Variants in ATRNL1 observed in about 807,000 individuals in gnomAD.
ATRNL1 encodes attractin like 1.
ATRNL1 carries 95 observed loss-of-function variants against 182.7 expected under a neutral mutation model. That is an observed-to-expected ratio of 0.52 (90% CI 0.44 to 0.62). The LOEUF (loss-of-function observed/expected upper bound fraction) is 0.62, where lower values mean the gene tolerates loss of function less well. Among genes scored for constraint, ATRNL1 ranks in the 20% least tolerant of loss-of-function variants. ATRNL1 has a pLI of 0.00. For missense variants in ATRNL1, 1,471 were observed against 1,679.5 expected, an observed-to-expected ratio of 0.88 and a Z score of 2.17; for synonymous variants, 576 against 568.3, an observed-to-expected ratio of 1.01 and a Z score of -0.19.
intron 19 of ATRNL1, among the ~76,000 whole-genome samples, chr10:115,360,950 A>C (rs1298111414): frequency 1.3e-5 from 2 of 151,824 alleles, no homozygotes; most frequent in African/African-American, 4.8e-5. Flanking sequence ...AGTTATGTTA[A>C]ATTCTTACCA....
chr10:115,498,276 AT>A (rs139857213), intron 24 of ATRNL1, among the ~76,000 whole-genome samples: 4,807 of 152,228 alleles, frequency 0.032, 247 homozygotes, highest in African/African-American at 0.11. Flanking sequence ...GGTAGAAAAG[AT>A]TTTTAAAGTT....
chr10:115,884,441 AAAC>A (rs1248636236), intron 28 of ATRNL1, among the ~76,000 whole-genome samples: 3 of 152,212 alleles, frequency 2.0e-5, no homozygotes, highest in Admixed American at 6.5e-5. Flanking sequence ...GATTCTCAGC[AAAC>A]AACAACAACA....
At chr10:115,679,153 A>G (rs754615896) in intron 26 of ATRNL1, among the ~76,000 whole-genome samples, 23 of 152,046 alleles carry the variant, frequency 1.5e-4, no homozygotes, top group Non-Finnish European at 3.1e-4. Flanking sequence ...CTTCTTTTCC[A>G]TTATCCTCTT....
intron 26 of ATRNL1, among the ~76,000 whole-genome samples, chr10:115,574,365 T>TAC (rs1340675544): frequency 4.0e-4 from 57 of 141,558 alleles, no homozygotes; most frequent in African/African-American, 1.4e-3. Context: ...TATATATATA[T>TAC]ACACACATGA....
intron 28 of ATRNL1, among the ~76,000 whole-genome samples, chr10:115,908,512 T>C (rs1314860375): frequency 1.3e-5 from 2 of 152,196 alleles, no homozygotes; most frequent in Non-Finnish European, 2.9e-5. Flanking sequence ...AGAATGCTTA[T>C]GATGACATTG....
At chr10:115,200,645 G>T (rs1848533406) in intron 8 of ATRNL1, among the ~76,000 whole-genome samples, 1 of 139,192 alleles carries the variant, frequency 7.2e-6, no homozygotes, top group South Asian at 2.5e-4. Context: ...CATTTGGGTT[G>T]GTTCCAAGTC....
intron 1 of ATRNL1, among the ~76,000 whole-genome samples, chr10:115,119,256 GT>G (rs142914939): frequency 0.011 from 1,702 of 152,048 alleles, 29 homozygotes; most frequent in African/African-American, 0.038. Context: ...GTAAATTAAA[GT>G]TTTTCCCCCC....
chr10:115,878,938 G>A (rs1264314275), intron 28 of ATRNL1, among the ~76,000 whole-genome samples: 2 of 152,130 alleles, frequency 1.3e-5, no homozygotes, highest in African/African-American at 4.8e-5. Flanking sequence ...AGATGAAAAT[G>A]TGTAGGCATA....
intron 9 of ATRNL1, among the ~76,000 whole-genome samples, chr10:115,217,765 C>T (rs539794503): frequency 1.3e-5 from 2 of 152,230 alleles, no homozygotes; most frequent in African/African-American, 4.8e-5. Context: ...TTATTTTAAA[C>T]ACCTCATTAC....
chr10:115,617,433 C>G (rs1305608198), intron 26 of ATRNL1, among the ~76,000 whole-genome samples: 1 of 151,950 alleles, frequency 6.6e-6, no homozygotes, highest in African/African-American at 2.4e-5. Context: ...AATTGCGGCT[C>G]ACTGCAACAT....
intron 5 of ATRNL1, among the ~76,000 whole-genome samples, chr10:115,147,783 A>C (rs1554879721): frequency 1.3e-5 from 2 of 151,746 alleles, no homozygotes; most frequent in African/African-American, 4.8e-5. Context: ...ATAAATATGT[A>C]GGTTTATTCT....
chr10:115,331,253 G>A (rs1245318496), intron 18 of ATRNL1, among the ~76,000 whole-genome samples: 2 of 152,012 alleles, frequency 1.3e-5, no homozygotes, highest in Non-Finnish European at 2.9e-5. Context: ...GTAGAGATGG[G>A]GTTTCACCAT....
intron 10 of ATRNL1, among the ~76,000 whole-genome samples, chr10:115,261,893 A>C (rs1296198843): frequency 6.6e-6 from 1 of 152,076 alleles, no homozygotes; most frequent in Non-Finnish European, 1.5e-5. Context: ...AAAACAAATA[A>C]GAAACTGAAT....
intron 27 of ATRNL1, among the ~76,000 whole-genome samples, chr10:115,835,546 G>A (rs1460488825): frequency 3.3e-5 from 5 of 152,092 alleles, no homozygotes; most frequent in African/African-American, 4.8e-5. Flanking sequence ...ATAATATAGC[G>A]GCCTCAGAAG....
At chr10:115,274,453 C>T (rs1554914267) in intron 13 of ATRNL1, among the ~76,000 whole-genome samples, 2 of 152,112 alleles carry the variant, frequency 1.3e-5, no homozygotes, top group Non-Finnish European at 2.9e-5. Flanking sequence ...TTGACATGCC[C>T]CATACTGCTA....
intron 20 of ATRNL1, among the ~76,000 whole-genome samples, chr10:115,405,389 A>G (rs1565006184): frequency 6.6e-6 from 1 of 152,218 alleles, no homozygotes; most frequent in Non-Finnish European, 1.5e-5. Flanking sequence ...CTGGAGCTCC[A>G]GTGTAGTGGC....
chr10:115,290,286 C>T (rs1432309871), intron 15 of ATRNL1, among the ~76,000 whole-genome samples: 1 of 152,082 alleles, frequency 6.6e-6, no homozygotes, highest in Non-Finnish European at 1.5e-5. Context: ...TGGTGTCATT[C>T]CTCTAGGGTA....
chr10:115,713,442 G>GCT, intron 26 of ATRNL1, among the ~76,000 whole-genome samples: 1 of 21,454 alleles, frequency 4.7e-5, no homozygotes, highest in Non-Finnish European at 1.6e-4. Context: ...AGGGAAAGTG[G>GCT]CTGTGTGTGT....
At chr10:115,588,081 T>C (rs1855675887) in intron 26 of ATRNL1, among the ~76,000 whole-genome samples, 1 of 152,160 alleles carries the variant, frequency 6.6e-6, no homozygotes. Context: ...AGTTTTCCTT[T>C]CTTTTTTACT....
Sources: gnomAD v4.1 joint callset for allele counts (sites outside exome capture counted in the v4.1 genomes callset) on GRCh38, gnomAD v4.1.1 for gene constraint, MANE v1.5 for transcripts, NCBI Gene and HGNC (gene_info 2026-07-23, HGNC 2026-07-21) for gene names.